Variants in TRAPPC10 observed in about 807,000 individuals in gnomAD.
The protein encoded by TRAPPC10 is trafficking protein particle complex subunit 10, also known as TRAPP 130 kDa subunit.
Under a neutral mutation model 125.5 loss-of-function variants are expected in TRAPPC10, and 23 were observed. The observed-to-expected ratio is 0.18, with a 90% CI of 0.13 to 0.26. The LOEUF (loss-of-function observed/expected upper bound fraction) is 0.26. Ranked by LOEUF, TRAPPC10 falls within the 10% of genes least tolerant of loss-of-function variation. The pLI is 1.00. For missense variants in TRAPPC10, 1,123 were observed against 1,308.4 expected, an observed-to-expected ratio of 0.86 and a Z score of 2.19; for synonymous variants, 509 against 518.0, an observed-to-expected ratio of 0.98 and a Z score of 0.24.
intron 7 of TRAPPC10, among the ~76,000 whole-genome samples, chr21:44,067,251 GGAA>G: frequency 6.6e-6 from 1 of 152,326 alleles, no homozygotes; most frequent in Admixed American, 6.5e-5. Context: ...TTGAACCAGA[GGAA>G]GAAGAAGGTT....
At chr21:44,043,580 C>T (rs896460378) in intron 3 of TRAPPC10, among the ~76,000 whole-genome samples, 8 of 152,054 alleles carry the variant, frequency 5.3e-5, no homozygotes, top group African/African-American at 1.9e-4. Context: ...CTACATTTTC[C>T]CTTCCACATG....
At chr21:44,075,016 A>C (rs2037173214) in intron 8 of TRAPPC10, 23 bp from the exon 9 acceptor site, 2 of 1,505,740 alleles carry the variant, frequency 1.3e-6, no homozygotes, top group East Asian at 4.5e-5. Flanking sequence ...AAATTAATTG[A>C]AATTGTGGAT....
chr21:44,036,585 G>C (rs913163467), intron 2 of TRAPPC10, among the ~76,000 whole-genome samples: 1 of 152,190 alleles, frequency 6.6e-6, no homozygotes, highest in African/African-American at 2.4e-5. Flanking sequence ...TACGGAGATA[G>C]GTGCACTGAA....
chr21:44,086,705 T>C, intron 15 of TRAPPC10, 97 bp from the exon 16 acceptor site: 1 of 1,327,348 alleles, frequency 7.5e-7, no homozygotes, highest in Non-Finnish European at 1.1e-6. Flanking sequence ...AAATCTTTCA[T>C]AGTAAAAGAA....
chr21:44,040,744 T>C (rs1601623437), intron 3 of TRAPPC10, among the ~76,000 whole-genome samples: 1 of 149,780 alleles, frequency 6.7e-6, no homozygotes, highest in African/African-American at 2.5e-5. Flanking sequence ...CACCTCAGCC[T>C]CCCAAGTAGC....
rs371379591 is a variant in TRAPPC10, at chr21:44,092,036, C to T, written c.2984C>T (p.Thr995Met). 1.5e-5 allele frequency: 24 copies of T among 1,613,974 alleles called. No individual in the cohort carries two copies. Among genetic ancestry groups the T allele is most frequent in the Admixed American group, 1.2e-4 (7 of 59,990 alleles). Residue 995 changes from threonine to methionine, a missense_variant, in exon 19 of 23, where the codon ACG becomes ATG. Transcript: ENST00000291574. ...STDLQLVPLN[T>M]QSQQPIYSKQ... ...GACCTGCAACTAGTACCACTGAACA[C>T]GCAGTCCCAGCAGGTAAACATTGTG...
rs1233466125 is a variant in TRAPPC10, at chr21:44,088,014, T to A, written c.2769+86T>A. The A allele has an allele frequency of 2.5e-6, 3 of 1,189,176 alleles. No individual in the cohort carries two copies. The African/African-American group carries it at 4.5e-5, about 18-fold the overall frequency. 73.7% of individuals were successfully genotyped at this position (1,189,176 alleles called of 1,614,324 possible). On this transcript the variant is annotated intron_variant, in intron 17 of 22. Coordinates refer to ENST00000291574, the MANE Select transcript of TRAPPC10 (RefSeq NM_003274.5). ...GGAAAGGCGATGTAGCGATGCCTGCTGTTAGCCTGGCTCCTTCTGATTCCC... is the reference window on the plus strand; with the variant it reads ...GGAAAGGCGATGTAGCGATGCCTGCAGTTAGCCTGGCTCCTTCTGATTCCC...
chr21:44,093,984 CGT>C (rs1364107945), intron 19 of TRAPPC10, 77 bp from the exon 20 acceptor site: 9 of 1,444,128 alleles, frequency 6.2e-6, no homozygotes, highest in South Asian at 5.2e-5. Context: ...CTTCGCATGG[CGT>C]GTGTTTCGCT....
chr21:44,090,866 A>C (rs2038526991), intron 18 of TRAPPC10, among the ~76,000 whole-genome samples: 1 of 152,218 alleles, frequency 6.6e-6, no homozygotes, highest in South Asian at 2.1e-4. Context: ...AATAGTTAAA[A>C]ACATCAATAA....
In TRAPPC10 at chr21:44,101,153, TCAA is replaced by T. The variant is rs566385787; in HGVS notation, c.3347-1606_3347-1604del. Among the ~76,000 whole-genome samples the T allele has an allele frequency of 1.1e-4, 8 of 71,698 alleles. 3 individuals carry two copies. Among genetic ancestry groups the T allele is most frequent in the East Asian group, 8.7e-4 (2 of 2,312 alleles). The allele number at this position is 71,698 out of a possible 152,430, so 47.0% of individuals were successfully genotyped here. On this transcript the variant is annotated intron_variant, in intron 21 of 22. Coordinates refer to ENST00000291574, the MANE Select transcript of TRAPPC10 (RefSeq NM_003274.5). ...CCTGGGCAACGAGCAAAACTCCGCC[TCAA>T]CAACAACAACAACAACAAAACAACC...
chr21:44,013,104 A>G (rs1260591005), intron 1 of TRAPPC10, among the ~76,000 whole-genome samples: 1 of 151,964 alleles, frequency 6.6e-6, no homozygotes, highest in African/African-American at 2.4e-5. Flanking sequence ...CGCGCACTCA[A>G]ACCATTTTAC....
intron 19 of TRAPPC10, among the ~76,000 whole-genome samples, chr21:44,093,057 A>T (rs2038695147): frequency 6.6e-6 from 1 of 152,180 alleles, no homozygotes; most frequent in African/African-American, 2.4e-5. Context: ...TTGGCCTCCT[A>T]AAGTGTTGGG....
Position 44,012,508 on chromosome 21 carries a change from G to C in TRAPPC10, c.15G>C (p.Glu5Asp). Residue 5 changes from glutamate to aspartate, a missense_variant, in exon 1 of 23, where the codon GAG becomes GAC. Coordinates refer to ENST00000291574, the MANE Select transcript of TRAPPC10 (RefSeq NM_003274.5). MDAS[E>D]EPLPPVIYTM... ...GCCGGACGCCCATGGACGCCTCTGAGGAGCCGCTGCCGCCGGTGATCTACA... is the reference window on the plus strand; with the variant it reads ...GCCGGACGCCCATGGACGCCTCTGACGAGCCGCTGCCGCCGGTGATCTACA... The C allele has an allele frequency of 1.3e-6, 2 of 1,517,848 alleles. No individual in the cohort carries two copies. The highest frequency in any genetic ancestry group is 1.2e-5 in the South Asian group (1 of 82,482). The allele number at this position is 1,517,848 out of a possible 1,614,324, so 94.0% of individuals were successfully genotyped here.
At chr21:44,029,799 G>GA (rs1027765365) in intron 1 of TRAPPC10, among the ~76,000 whole-genome samples, 7 of 152,324 alleles carry the variant, frequency 4.6e-5, no homozygotes, top group African/African-American at 1.7e-4. Context: ...GGCCCATCCT[G>GA]AAGACCTCAT....
At chr21:44,068,320 G>A (rs1473556489) in intron 7 of TRAPPC10, among the ~76,000 whole-genome samples, 2 of 152,178 alleles carry the variant, frequency 1.3e-5, no homozygotes, top group African/African-American at 2.4e-5. Flanking sequence ...GGGAGAGTGC[G>A]TTTCAGGTGG....
At chr21:44,086,291 C>T (rs2146145676) in intron 15 of TRAPPC10, among the ~76,000 whole-genome samples, 1 of 152,354 alleles carries the variant, frequency 6.6e-6, no homozygotes, top group South Asian at 2.1e-4. Flanking sequence ...GGCCTCAGCT[C>T]ACTCCTGCCT....
At chr21:44,091,675 T>A in intron 18 of TRAPPC10, 1 of 352,066 alleles carries the variant, frequency 2.8e-6, no homozygotes, top group Non-Finnish European at 5.4e-6. Flanking sequence ...CCTGACCTCA[T>A]AATCTGCCCA....
chr21:44,036,212 C>T (rs1484067801), intron 2 of TRAPPC10, among the ~76,000 whole-genome samples: 1 of 152,194 alleles, frequency 6.6e-6, no homozygotes, highest in Non-Finnish European at 1.5e-5. Context: ...CAGAGAGAAA[C>T]AGAAGAAGAA....
chr21:44,080,192 C>T, intron 13 of TRAPPC10, 65 bp downstream of exon 13: 2 of 1,337,448 alleles, frequency 1.5e-6, no homozygotes, highest in Non-Finnish European at 2.1e-6. Flanking sequence ...AAAAAGAATA[C>T]AAGATATACC....
Sources: allele counts gnomAD v4.1 joint callset (sites outside exome capture counted in the v4.1 genomes callset), GRCh38; gene constraint gnomAD v4.1.1; transcripts MANE v1.5; gene names NCBI Gene and HGNC (gene_info 2026-07-23, HGNC 2026-07-21).